Variants in UBE2E2 observed in about 807,000 individuals in gnomAD.
UBE2E2 encodes the protein ubiquitin conjugating enzyme E2 E2.
Under a neutral mutation model 24.7 loss-of-function variants are expected in UBE2E2, and 6 were observed. That is an observed-to-expected ratio of 0.24 (90% confidence interval 0.13 to 0.48). The LOEUF (loss-of-function observed/expected upper bound fraction) is 0.48. Ranked by LOEUF, UBE2E2 falls within the 20% of genes least tolerant of loss-of-function variation. The pLI, the probability that UBE2E2 is intolerant of heterozygous loss-of-function variation, is 0.99. For synonymous variants in UBE2E2, 104 were observed against 83.6 expected (o/e 1.24, Z -1.33); for missense variants, 169 against 245.0 (o/e 0.69, Z 2.07).
At chr3:23,256,164 G>C (rs967979310) in intron 3 of UBE2E2, among the ~76,000 whole-genome samples, 1 of 152,050 alleles carries the variant, frequency 6.6e-6, no homozygotes, top group Admixed American at 6.6e-5. Flanking sequence ...TTTTTCTTTC[G>C]TTCTTAATTT....
chr3:23,574,996 C>T (rs1423889636), intron 5 of UBE2E2, among the ~76,000 whole-genome samples: 1 of 152,256 alleles, frequency 6.6e-6, no homozygotes, highest in Non-Finnish European at 1.5e-5. Flanking sequence ...TGGAGCATTT[C>T]AGAATTTGGA....
intron 3 of UBE2E2, among the ~76,000 whole-genome samples, chr3:23,422,152 C>T (rs1449104471): frequency 2.0e-5 from 3 of 152,040 alleles, no homozygotes; most frequent in Non-Finnish European, 4.4e-5. Context: ...GAAGTTGGTA[C>T]TTAATATTGA....
intron 3 of UBE2E2, among the ~76,000 whole-genome samples, chr3:23,260,939 A>G (rs1697883498): frequency 1.3e-5 from 2 of 151,980 alleles, no homozygotes. Flanking sequence ...CGCTGTCTCT[A>G]AAAAAATACA....
intron 3 of UBE2E2, among the ~76,000 whole-genome samples, chr3:23,313,616 C>T (rs574467379): frequency 6.6e-6 from 1 of 152,124 alleles, no homozygotes; most frequent in Admixed American, 6.5e-5. Context: ...ATCTCTTGAC[C>T]TTGTAATCCA....
chr3:23,500,857 T>C (rs988440209), intron 4 of UBE2E2, among the ~76,000 whole-genome samples: 2 of 152,186 alleles, frequency 1.3e-5, no homozygotes, highest in African/African-American at 4.8e-5. Context: ...ATCAAGCAAA[T>C]TGTGGTGTAA....
intron 4 of UBE2E2, among the ~76,000 whole-genome samples, chr3:23,532,233 C>A (rs112477117): frequency 5.3e-5 from 8 of 152,148 alleles, no homozygotes; most frequent in Non-Finnish European, 1.0e-4. Context: ...GTCAGTTTCT[C>A]CCCATGAACA....
chr3:23,351,614 A>G (rs376744397), intron 3 of UBE2E2, among the ~76,000 whole-genome samples: 76 of 152,298 alleles, frequency 5.0e-4, no homozygotes, highest in Admixed American at 2.5e-3. Flanking sequence ...CTTTAAACCA[A>G]CAAAGATCAA....
At chr3:23,273,612 G>A (rs1211030268) in intron 3 of UBE2E2, among the ~76,000 whole-genome samples, 3 of 151,912 alleles carry the variant, frequency 2.0e-5, no homozygotes, top group Admixed American at 2.0e-4. Context: ...AAAAAAAATT[G>A]GTTTCATTAT....
At chr3:23,354,051 G>A (rs908180700) in intron 3 of UBE2E2, among the ~76,000 whole-genome samples, 26 of 152,236 alleles carry the variant, frequency 1.7e-4, no homozygotes, top group South Asian at 1.5e-3. Flanking sequence ...ATAGATCAGC[G>A]GAACAGAACA....
intron 3 of UBE2E2, among the ~76,000 whole-genome samples, chr3:23,450,547 T>G (rs973890452): frequency 2.6e-5 from 4 of 152,192 alleles, no homozygotes; most frequent in African/African-American, 9.6e-5. Context: ...ACTAGAAATA[T>G]GATTCTTTAA....
intron 3 of UBE2E2, among the ~76,000 whole-genome samples, chr3:23,272,691 A>T (rs1698277935): frequency 5.3e-5 from 8 of 152,096 alleles, no homozygotes; most frequent in Admixed American, 5.2e-4. Context: ...AGAGAGAGAG[A>T]TTGAGTGTAA....
chr3:23,525,203 A>G (rs958667510), intron 4 of UBE2E2, among the ~76,000 whole-genome samples: 2 of 152,102 alleles, frequency 1.3e-5, no homozygotes, highest in African/African-American at 4.8e-5. Flanking sequence ...GGGCCCACCT[A>G]AATAATCCAG....
intron 3 of UBE2E2, among the ~76,000 whole-genome samples, chr3:23,306,962 C>A (rs1320412589): frequency 6.6e-6 from 1 of 152,114 alleles, no homozygotes; most frequent in African/African-American, 2.4e-5. Flanking sequence ...AAAATTGACA[C>A]ATTTTCTCAA....
At chr3:23,359,799 C>T (rs1200484190) in intron 3 of UBE2E2, among the ~76,000 whole-genome samples, 1 of 152,124 alleles carries the variant, frequency 6.6e-6, no homozygotes, top group Admixed American at 6.5e-5. Flanking sequence ...TTCCAGTGTA[C>T]TCAGACAGGG....
chr3:23,453,900 CT>C (rs1424510758), intron 3 of UBE2E2, among the ~76,000 whole-genome samples: 2 of 152,052 alleles, frequency 1.3e-5, no homozygotes, highest in Admixed American at 6.6e-5. Flanking sequence ...TGCTAGTTAC[CT>C]TTTAAAGAAG....
At chr3:23,223,136 C>T (rs1358946839) in intron 3 of UBE2E2, among the ~76,000 whole-genome samples, 1 of 147,912 alleles carries the variant, frequency 6.8e-6, no homozygotes, top group East Asian at 2.0e-4. Context: ...TCTCCTGCTT[C>T]AGCCTCCTGA....
At chr3:23,580,473 G>A (rs551661558) in intron 5 of UBE2E2, among the ~76,000 whole-genome samples, 7 of 152,278 alleles carry the variant, frequency 4.6e-5, no homozygotes, top group African/African-American at 1.7e-4. Context: ...TTTAAGGTAT[G>A]TACTTTTTTA....
chr3:23,313,680 G>C (rs1694480754), intron 3 of UBE2E2, among the ~76,000 whole-genome samples: 1 of 152,074 alleles, frequency 6.6e-6, no homozygotes, highest in Non-Finnish European at 1.5e-5. Flanking sequence ...CCGGTGCCCA[G>C]CCTGTCTTGT....
chr3:23,232,210 T>A (rs1696994109), intron 3 of UBE2E2, among the ~76,000 whole-genome samples: 1 of 152,212 alleles, frequency 6.6e-6, no homozygotes, highest in South Asian at 2.1e-4. Context: ...CAGCCAGCCA[T>A]CAGTCTTGGC....
Sources: allele counts gnomAD v4.1 joint callset (sites outside exome capture counted in the v4.1 genomes callset), GRCh38; gene constraint gnomAD v4.1.1; transcripts MANE v1.5; gene names NCBI Gene and HGNC (gene_info 2026-07-23, HGNC 2026-07-21).